WWOX: variants seen among roughly 807,000 people sequenced by gnomAD.
The protein encoded by WWOX is WW domain-containing oxidoreductase.
In WWOX, 69 loss-of-function variants were observed where a neutral mutation model predicts 46.2. That is an observed-to-expected ratio of 1.49 (90% confidence interval 1.23 to 1.82). The LOEUF is 1.82. Among genes scored for constraint, WWOX ranks in the 40% most tolerant of loss-of-function variants. The pLI, the probability that WWOX is intolerant of heterozygous loss-of-function variation, is 0.00. For missense variants in WWOX, 919 were observed against 542.6 expected, an observed-to-expected ratio of 1.69 and a Z score of -6.89; for synonymous variants, 359 against 202.6, an observed-to-expected ratio of 1.77 and a Z score of -6.56.
chr16:78,585,438 C>T (rs1239199064), intron 8 of WWOX, among the ~76,000 whole-genome samples: 1 of 152,114 alleles, frequency 6.6e-6, no homozygotes, highest in Non-Finnish European at 1.5e-5. Flanking sequence ...GACCACCTCC[C>T]AAAAGCTGGA....
chr16:78,436,961 G>A (rs546154545), intron 8 of WWOX, among the ~76,000 whole-genome samples: 3 of 152,286 alleles, frequency 2.0e-5, no homozygotes, highest in South Asian at 4.1e-4. Context: ...GTAAAGGCTG[G>A]GTTTCTAATT....
intron 6 of WWOX, among the ~76,000 whole-genome samples, chr16:78,417,244 T>C (rs2082819204): frequency 6.6e-6 from 1 of 152,192 alleles, no homozygotes; most frequent in African/African-American, 2.4e-5. Flanking sequence ...TTTTATTTTT[T>C]TCTTTTTAGT....
chr16:79,012,380 C>T (rs904051643), intron 8 of WWOX, among the ~76,000 whole-genome samples: 1 of 152,078 alleles, frequency 6.6e-6, no homozygotes, highest in African/African-American at 2.4e-5. Flanking sequence ...TTACAGGTGT[C>T]TGCCACCACG....
intron 8 of WWOX, chr16:78,996,492 A>C: frequency 1.0e-5 from 2 of 193,722 alleles, no homozygotes; most frequent in Non-Finnish European, 1.9e-5. Context: ...ATTCATAATG[A>C]TCAGCTTCAT....
chr16:78,485,498 G>A (rs373934879), intron 8 of WWOX, among the ~76,000 whole-genome samples: 19 of 152,100 alleles, frequency 1.2e-4, no homozygotes, highest in East Asian at 1.9e-4. Context: ...GCCTCACTGC[G>A]TGATTTTTCT....
intron 8 of WWOX, among the ~76,000 whole-genome samples, chr16:78,696,805 C>T (rs2048109550): frequency 6.6e-6 from 1 of 151,716 alleles, no homozygotes; most frequent in African/African-American, 2.4e-5. Flanking sequence ...TCCTTTATGC[C>T]TCACCCTTTT....
intron 8 of WWOX, among the ~76,000 whole-genome samples, chr16:78,567,241 C>G (rs990459281): frequency 6.6e-6 from 1 of 152,164 alleles, no homozygotes; most frequent in Non-Finnish European, 1.5e-5. Flanking sequence ...CTTTGCTCTT[C>G]CACTGCCAAG....
At chr16:78,710,165 C>G (rs1394417675) in intron 8 of WWOX, among the ~76,000 whole-genome samples, 1 of 151,948 alleles carries the variant, frequency 6.6e-6, no homozygotes, top group Non-Finnish European at 1.5e-5. Flanking sequence ...TGTTTACCAC[C>G]TAGAGGCCTA....
intron 8 of WWOX, among the ~76,000 whole-genome samples, chr16:79,012,703 G>A (rs1261754199): frequency 5.3e-5 from 8 of 152,188 alleles, no homozygotes; most frequent in Admixed American, 5.2e-4. Flanking sequence ...GAAAGGGCTG[G>A]AAGTTCCACA....
chr16:78,340,231 G>T (rs1437870968), intron 5 of WWOX, among the ~76,000 whole-genome samples: 2 of 103,698 alleles, frequency 1.9e-5, no homozygotes, highest in African/African-American at 6.5e-5. Context: ...GAGTCTTACT[G>T]TGTCACCTAG....
chr16:78,429,594 C>G (rs554916824), intron 7 of WWOX, among the ~76,000 whole-genome samples: 1 of 152,102 alleles, frequency 6.6e-6, no homozygotes, highest in African/African-American at 2.4e-5. Context: ...TTCAGATACT[C>G]TCTAAATCCT....
intron 8 of WWOX, among the ~76,000 whole-genome samples, chr16:79,127,062 C>T (rs1567568108): frequency 2.6e-5 from 4 of 151,224 alleles, no homozygotes; most frequent in Non-Finnish European, 5.9e-5. Flanking sequence ...TGTACATATA[C>T]ACATAAAATA....
intron 6 of WWOX, among the ~76,000 whole-genome samples, chr16:78,424,097 C>CTTTTTTTTTTTT (rs1567564550): frequency 8.1e-6 from 1 of 122,980 alleles, no homozygotes. Context: ...TTTTTCTTTT[C>CTTTTTTTTTTTT]TTTTCTTTTC....
chr16:78,228,196 A>G (rs2151804330), intron 5 of WWOX, among the ~76,000 whole-genome samples: 1 of 152,260 alleles, frequency 6.6e-6, no homozygotes, highest in South Asian at 2.1e-4. Flanking sequence ...AGATTTTCCC[A>G]GAGTCCAGGG....
chr16:78,566,669 A>G (rs567780472), intron 8 of WWOX, among the ~76,000 whole-genome samples: 1 of 152,310 alleles, frequency 6.6e-6, no homozygotes, highest in Admixed American at 6.5e-5. Flanking sequence ...CTCTCAGGAC[A>G]GGGCTCACAA....
chr16:78,124,043 C>A (rs918506419), intron 4 of WWOX: 2 of 152,084 alleles, frequency 1.3e-5, no homozygotes, highest in African/African-American at 4.8e-5. Flanking sequence ...CCATTAATCG[C>A]ATATTTCAGC....
chr16:78,957,506 T>C (rs1025342141), intron 8 of WWOX, among the ~76,000 whole-genome samples: 1 of 152,166 alleles, frequency 6.6e-6, no homozygotes, highest in African/African-American at 2.4e-5. Flanking sequence ...CCAGAACAGG[T>C]GTTCTGTGGG....
intron 8 of WWOX, among the ~76,000 whole-genome samples, chr16:79,025,638 T>A (rs2047623028): frequency 1.3e-5 from 2 of 152,122 alleles, no homozygotes; most frequent in South Asian, 4.1e-4. Flanking sequence ...ACTTTAGACT[T>A]CTGGCCTCCA....
chr16:79,173,258 A>G (rs1045421702), intron 8 of WWOX, among the ~76,000 whole-genome samples: 1 of 151,678 alleles, frequency 6.6e-6, no homozygotes, highest in East Asian at 2.0e-4. Flanking sequence ...AGAGTGGCAC[A>G]TTCCACAGGA....
Sources: allele counts gnomAD v4.1 joint callset (sites outside exome capture counted in the v4.1 genomes callset), GRCh38; gene constraint gnomAD v4.1.1; transcripts MANE v1.5; gene names NCBI Gene and HGNC (gene_info 2026-07-23, HGNC 2026-07-21).